The following CA10 variants were observed in gnomAD, a reference collection of about 807,000 sequenced individuals.
The protein encoded by CA10 is carbonic anhydrase-related protein 10.
Under a neutral mutation model 44.2 loss-of-function variants are expected in CA10, and 14 were observed. The ratio of observed to expected loss-of-function variants is 0.32; its 90% CI spans 0.21 to 0.50. The LOEUF is 0.50. CA10 is among the 20% of genes least tolerant of loss of function. The pLI is 0.99. For synonymous variants in CA10, 159 were observed against 141.6 expected, an observed-to-expected ratio of 1.12 and a Z score of -0.87; for missense variants, 350 against 409.7, an observed-to-expected ratio of 0.85 and a Z score of 1.26.
In CA10 at chr17:52,055,114, A is replaced by G. The variant is rs372120716; in HGVS notation, c.136+17205T>C. On this transcript the variant is annotated intron_variant, in intron 2 of 8. Transcript: ENST00000451037. ...ATAAAGATGATATCCTAAAAAAGCC[A>G]GTAAGGCCTGGTCTGGTAGGGAACA... Among the ~76,000 whole-genome samples, 143 of 152,222 alleles carry G rather than the reference A, an allele frequency of 9.4e-4. 4 individuals are homozygous for G. In the South Asian group the frequency reaches 0.029, roughly 31 times the overall value.
intron 3 of CA10, among the ~76,000 whole-genome samples, chr17:51,843,775 G>A (rs1221167125): frequency 6.6e-6 from 1 of 152,176 alleles, no homozygotes; most frequent in Non-Finnish European, 1.5e-5. Flanking sequence ...AAGCGTAGCT[G>A]TAGAAAGAAG....
chr17:51,748,509 C>T (rs1226770527), intron 3 of CA10: 4 of 984,480 alleles, frequency 4.1e-6, no homozygotes, highest in Admixed American at 6.2e-5. Flanking sequence ...TCTTTTCTTG[C>T]TGGGACTTGA....
intron 6 of CA10, 97 bp downstream of exon 6, chr17:51,649,085 A>C: frequency 1.3e-6 from 1 of 797,104 alleles, no homozygotes; most frequent in Non-Finnish European, 2.1e-6. Flanking sequence ...ATGAAACTGA[A>C]AAGGGCCCAT....
chr17:51,653,831 T>C, intron 4 of CA10, 95 bp from the exon 5 acceptor site: 1 of 717,366 alleles, frequency 1.4e-6, no homozygotes, highest in Non-Finnish European at 2.5e-6. Context: ...AACTGCAAAG[T>C]ATATTGAGGA....
At chr17:51,978,469 A>G (rs959964959) in intron 2 of CA10, among the ~76,000 whole-genome samples, 1 of 151,844 alleles carries the variant, frequency 6.6e-6, no homozygotes, top group Non-Finnish European at 1.5e-5. Context: ...GCTCTTTCCA[A>G]CAAATGGTGC....
chr17:51,859,838 G>C (rs1451792890), intron 3 of CA10, among the ~76,000 whole-genome samples: 1 of 152,126 alleles, frequency 6.6e-6, no homozygotes, highest in African/African-American at 2.4e-5. Flanking sequence ...TGGATCAGTT[G>C]CTTATATTAA....
At chr17:51,783,744 C>G (rs1252737716) in intron 3 of CA10, among the ~76,000 whole-genome samples, 1 of 152,134 alleles carries the variant, frequency 6.6e-6, no homozygotes, top group Non-Finnish European at 1.5e-5. Context: ...AGAGTCAGTT[C>G]TTTCTCAGAT....
chr17:51,780,264 G>A (rs1164599690), intron 3 of CA10, among the ~76,000 whole-genome samples: 2 of 152,170 alleles, frequency 1.3e-5, no homozygotes, highest in African/African-American at 4.8e-5. Context: ...AGGGCAGGGA[G>A]GGACATTTGA....
At chr17:51,827,239 T>A (rs1598066006) in intron 3 of CA10, among the ~76,000 whole-genome samples, 1 of 152,142 alleles carries the variant, frequency 6.6e-6, no homozygotes, top group Non-Finnish European at 1.5e-5. Flanking sequence ...ACAGACTATA[T>A]CACTACCACC....
chr17:51,943,705 T>C (rs1429319429), intron 2 of CA10, among the ~76,000 whole-genome samples: 1 of 152,182 alleles, frequency 6.6e-6, no homozygotes, highest in Non-Finnish European at 1.5e-5. Flanking sequence ...TCCAGAGATT[T>C]GCATTATTTA....
intron 3 of CA10, among the ~76,000 whole-genome samples, chr17:51,826,957 G>A (rs965859405): frequency 2.0e-5 from 3 of 152,156 alleles, no homozygotes; most frequent in South Asian, 2.1e-4. Context: ...TTTGCAAACA[G>A]TCCCTCTACC....
At position 51,984,358 on chromosome 17, in the gene CA10, G is replaced by A. The variant is rs140811709; in HGVS notation, c.137-53226C>T. ...AAAACCTCTGGAATACAGCAAAGGC[G>A]GTACTAAGAGGAAAGTTCATAGCCC... On this transcript the variant is annotated intron_variant, in intron 2 of 8. Coordinates refer to ENST00000451037, the MANE Select transcript of CA10 (RefSeq NM_020178.5). Among the ~76,000 whole-genome samples, 456 of 151,796 alleles carry A rather than the reference G, an allele frequency of 3.0e-3. 4 individuals are homozygous for A. Among genetic ancestry groups the A allele is most frequent in the African/African-American group, 0.01 (424 of 41,472 alleles).
chr17:51,974,364 C>A, intron 2 of CA10, among the ~76,000 whole-genome samples: 2 of 135,492 alleles, frequency 1.5e-5, no homozygotes, highest in Admixed American at 1.6e-4. Context: ...AGCCTGGCAA[C>A]AGAGTGAGAC....
At chr17:51,648,848 G>A (rs2073864) in intron 6 of CA10, among the ~76,000 whole-genome samples, 102,084 of 151,974 alleles carry the variant, frequency 0.67, 35,161 homozygotes, top group Non-Finnish European at 0.74. Flanking sequence ...TCTCAATCCC[G>A]TAATTGGCAA....
intron 2 of CA10, among the ~76,000 whole-genome samples, chr17:52,039,587 T>C (rs575132568): frequency 6.6e-6 from 1 of 152,212 alleles, no homozygotes; most frequent in South Asian, 2.1e-4. Context: ...CAGATAGACC[T>C]AGAAATTAAA....
intron 2 of CA10, among the ~76,000 whole-genome samples, chr17:51,931,738 G>A (rs1982669336): frequency 6.6e-6 from 1 of 152,074 alleles, no homozygotes; most frequent in Non-Finnish European, 1.5e-5. Context: ...TAAAGAATTG[G>A]TGTTCATTTG....
intron 2 of CA10, among the ~76,000 whole-genome samples, chr17:52,010,345 A>G (rs1985746192): frequency 6.6e-6 from 1 of 152,046 alleles, no homozygotes; most frequent in Admixed American, 6.6e-5. Flanking sequence ...ATATGGAACT[A>G]ACCCAAATGC....
chr17:51,822,428 A>T (rs78190497), intron 3 of CA10, among the ~76,000 whole-genome samples: 1 of 127,014 alleles, frequency 7.9e-6, no homozygotes, highest in African/African-American at 4.2e-5. Context: ...AAAACAAAAC[A>T]AAAACAAAAA....
At chr17:51,944,915 A>G (rs1983216904) in intron 2 of CA10, among the ~76,000 whole-genome samples, 1 of 152,174 alleles carries the variant, frequency 6.6e-6, no homozygotes, top group Admixed American at 6.5e-5. Flanking sequence ...TAGCAAGGAA[A>G]TGATAAAGAG....
Sources: gnomAD v4.1 joint callset for allele counts (sites outside exome capture counted in the v4.1 genomes callset) on GRCh38, gnomAD v4.1.1 for gene constraint, MANE v1.5 for transcripts, NCBI Gene and HGNC (gene_info 2026-07-23, HGNC 2026-07-21) for gene names.